CDYL2: variants seen among roughly 807,000 people sequenced by gnomAD.
CDYL2 encodes the protein chromodomain Y-like protein 2.
A neutral mutation model predicts 49.4 loss-of-function variants in CDYL2; 23 were observed. The ratio of observed to expected loss-of-function variants is 0.47; its 90% CI spans 0.34 to 0.66. The LOEUF (loss-of-function observed/expected upper bound fraction) is 0.66. Among genes scored for constraint, CDYL2 ranks in the 30% least tolerant of loss-of-function variants. CDYL2 has a pLI of 0.01. For missense variants in CDYL2, 678 were observed against 656.4 expected (o/e 1.03, Z -0.36); for synonymous variants, 360 against 268.8 (o/e 1.34, Z -3.32).
chr16:80,711,471 A>G (rs1462884651), intron 1 of CDYL2, among the ~76,000 whole-genome samples: 1 of 152,116 alleles, frequency 6.6e-6, no homozygotes, highest in Non-Finnish European at 1.5e-5. Context: ...TTAACACTTG[A>G]AGTTAATAAA....
At chr16:80,698,568 G>A (rs761692795) in intron 1 of CDYL2, among the ~76,000 whole-genome samples, 9 of 152,134 alleles carry the variant, frequency 5.9e-5, no homozygotes, top group Non-Finnish European at 8.8e-5. Flanking sequence ...TAGAGGTGGG[G>A]CTTGGTAGGA....
chr16:80,797,256 A>C (rs757745722), intron 1 of CDYL2, among the ~76,000 whole-genome samples: 1 of 152,072 alleles, frequency 6.6e-6, no homozygotes, highest in African/African-American at 2.4e-5. Flanking sequence ...CTCCAAACTC[A>C]CTGTCCTTTC....
intron 2 of CDYL2, among the ~76,000 whole-genome samples, chr16:80,637,101 T>G (rs1308623777): frequency 1.3e-5 from 2 of 151,950 alleles, no homozygotes; most frequent in Non-Finnish European, 2.9e-5. Context: ...ATACCTAATA[T>G]AGATGACAGG....
In CDYL2 at chr16:80,598,625, T is replaced by G. The variant is rs1216331930; in HGVS notation, c.*5763A>C. On this transcript the variant is annotated 3_prime_UTR_variant, in exon 7 of 7. Transcript: ENST00000570137. ...CATATTCAGATGGAGGAGTCTACAC[T>G]GGCCAGATAACCTGGAGGAGTACCA... is the stretch of plus-strand genomic sequence containing the variant. The G allele has an allele frequency of 6.6e-6, 1 of 152,202 alleles. No individual in the cohort carries two copies. The highest frequency in any genetic ancestry group is 6.5e-5 in the Admixed American group (1 of 15,276). 9.4% of individuals were successfully genotyped at this position (152,202 alleles called of 1,614,324 possible). A position where few individuals can be genotyped will look rare whatever the true frequency, so the allele number is the denominator to read the frequency against.
intron 3 of CDYL2, among the ~76,000 whole-genome samples, chr16:80,632,407 G>A (rs997523666): frequency 6.6e-6 from 1 of 150,376 alleles, no homozygotes; most frequent in East Asian, 1.9e-4. Context: ...TCCAGGGCAT[G>A]GGAGAAAGGA....
rs528500218 is a variant in CDYL2 at position 80,776,417 on chromosome 16, T to A, written c.24+27733A>T. 7.2e-5 allele frequency among the ~76,000 whole-genome samples: 11 copies of A among 152,098 alleles called. No homozygotes were observed. The East Asian group carries it at 2.1e-3, about 29-fold the overall frequency. ...TCTTCAATAATCTTTGGCACGGATA[T>A]ACTAGGAAGGAGCTACAAAAAAATA... On this transcript the variant is annotated intron_variant, in intron 1 of 6. Coordinates refer to ENST00000570137, the MANE Select transcript of CDYL2 (RefSeq NM_152342.4).
chr16:80,612,213 G>A lies in CDYL2; in HGVS notation c.1218+413C>T, dbSNP rs1358786503. On this transcript the variant is annotated intron_variant, in intron 5 of 6. Coordinates refer to ENST00000570137, the MANE Select transcript of CDYL2 (RefSeq NM_152342.4). The surrounding 1 kb of genome is among the most constrained non-coding windows in gnomAD (Gnocchi z 5.0). ...CTCTCTTCTCTCCCATTGGCTGGAA[G>A]TGAGGGCACATTTACTGGACGGGAG... Among the ~76,000 whole-genome samples the A allele has an allele frequency of 6.6e-6, 1 of 152,246 alleles. No homozygotes were observed. The highest frequency in any genetic ancestry group is 1.9e-4 in the East Asian group (1 of 5,190).
At position 80,804,284 on chromosome 16, in the gene CDYL2, A is replaced by G; in HGVS notation, c.-111T>C. The stretch of plus-strand genomic sequence containing the variant: ...GTGTGTGTGCGCGCGTGTGTGTGCG[A>G]GTGTGTGTGGTGTGTTGAGTAAACT... On this transcript the variant is annotated 5_prime_UTR_variant, in exon 1 of 7. Transcript: ENST00000570137. 1 of 981,816 alleles carries G rather than the reference A, an allele frequency of 1.0e-6. No individual in the cohort carries two copies. 60.8% of individuals were successfully genotyped at this position (981,816 alleles called of 1,614,324 possible).
chr16:80,620,902 C>T lies in CDYL2; in HGVS notation c.868G>A (p.Ala290Thr), dbSNP rs1161870624. 18 of 1,607,788 alleles carry T rather than the reference C, an allele frequency of 1.1e-5. No individual in the cohort carries two copies. The highest frequency in any genetic ancestry group is 1.7e-5 in the Admixed American group (1 of 59,362). ...AGCAGTTTGCTGTCGTCTGTGGCTG[C>T]GTTGCAGAGCGCTCGCCGGACTTCT... ...MKEVRRALCN[A>T]ATDDSKLLLL... Residue 290 changes from alanine (A) to threonine (T), a missense_variant, in exon 4 of 7, where the codon GCA becomes ACA. Coordinates refer to ENST00000570137, the MANE Select transcript of CDYL2 (RefSeq NM_152342.4).
chr16:80,750,021 T>A (rs1271702331), intron 1 of CDYL2, among the ~76,000 whole-genome samples: 4 of 141,842 alleles, frequency 2.8e-5, no homozygotes, highest in African/African-American at 1.1e-4. Flanking sequence ...CACTCAGAGG[T>A]GGGAATTGAA....
At position 80,728,881 on chromosome 16, in the gene CDYL2, C is replaced by G. The variant is rs1339420629; in HGVS notation, c.25-43752G>C. 1.7e-4 allele frequency among the ~76,000 whole-genome samples: 25 copies of G among 151,496 alleles called. No individual in the cohort carries two copies. The East Asian group carries it at 3.5e-3, about 21-fold the overall frequency. On this transcript the variant is annotated intron_variant, in intron 1 of 6. Coordinates refer to ENST00000570137, the MANE Select transcript of CDYL2 (RefSeq NM_152342.4). ...TCATAAGTGAAGGAGAAATAAAATA[C>G]TTTACAGACAAGCAAATGCTGAGAG... is the stretch of plus-strand genomic sequence containing the variant.
rs972979819 is a variant in CDYL2 at position 80,612,512 on chromosome 16, C to T, written c.1218+114G>A. ...GTGTGAAGGACATGAGGCAGCCAAGCCAATCTGCAGGCTGACAACACCCTC... is the reference window on the plus strand; with the variant it reads ...GTGTGAAGGACATGAGGCAGCCAAGTCAATCTGCAGGCTGACAACACCCTC... On this transcript the variant is annotated intron_variant, in intron 5 of 6. Coordinates refer to ENST00000570137, the MANE Select transcript of CDYL2 (RefSeq NM_152342.4). This position sits in a 1 kb window ranked among gnomAD's most constrained non-coding sequence, Gnocchi z 5.0. 2.8e-6 allele frequency: 3 copies of T among 1,075,218 alleles called. No homozygotes were observed. The highest frequency in any genetic ancestry group is 4.0e-6 in the Non-Finnish European group (3 of 744,620). 66.6% of individuals were successfully genotyped at this position (1,075,218 alleles called of 1,614,324 possible).
chr16:80,672,583 A>G (rs1206782893), intron 2 of CDYL2, among the ~76,000 whole-genome samples: 3 of 150,132 alleles, frequency 2.0e-5, no homozygotes, highest in Non-Finnish European at 4.4e-5. Context: ...AGGAAAGGAA[A>G]GGAAAGGAAA....
At chr16:80,738,258 G>C (rs1905608958) in intron 1 of CDYL2, among the ~76,000 whole-genome samples, 2 of 152,078 alleles carry the variant, frequency 1.3e-5, no homozygotes, top group Non-Finnish European at 1.5e-5. Flanking sequence ...TCTTTATCCA[G>C]TCTATCACTG....
At chr16:80,637,483 G>C (rs1907888440) in intron 2 of CDYL2, among the ~76,000 whole-genome samples, 2 of 152,086 alleles carry the variant, frequency 1.3e-5, no homozygotes, top group Admixed American at 6.6e-5. Context: ...CAGATGACAA[G>C]ACTTGTCTAC....
chr16:80,798,232 G>A (rs909465342), intron 1 of CDYL2, among the ~76,000 whole-genome samples: 38 of 152,194 alleles, frequency 2.5e-4, no homozygotes, highest in African/African-American at 9.2e-4. Flanking sequence ...TAGTAGAGAT[G>A]GGGTTTCTCC....
At chr16:80,646,773 G>A (rs527937914) in intron 2 of CDYL2, among the ~76,000 whole-genome samples, 22 of 151,916 alleles carry the variant, frequency 1.4e-4, no homozygotes, top group Non-Finnish European at 2.8e-4. Flanking sequence ...TGGAGACAGA[G>A]TGAGACTCTG....
At position 80,802,988 on chromosome 16, in the gene CDYL2, G is replaced by C. The variant is rs144631021; in HGVS notation, c.24+1162C>G. Reference sequence around the variant, plus strand: ...ACCAATTTATGTTCCGGGAAGTGCAGGTCCAGGCTAACCCATGCGGCTGGT... The same window carrying C: ...ACCAATTTATGTTCCGGGAAGTGCACGTCCAGGCTAACCCATGCGGCTGGT... On this transcript the variant is annotated intron_variant, in intron 1 of 6. Coordinates refer to ENST00000570137, the MANE Select transcript of CDYL2 (RefSeq NM_152342.4). 1.2e-3 allele frequency among the ~76,000 whole-genome samples: 190 copies of C among 152,320 alleles called. 3 individuals carry two copies. In the East Asian group the frequency reaches 0.032, roughly 26 times the overall value.
intron 1 of CDYL2, among the ~76,000 whole-genome samples, chr16:80,799,465 T>C (rs914028272): frequency 6.6e-6 from 1 of 152,204 alleles, no homozygotes; most frequent in South Asian, 2.1e-4. Context: ...TGGTGGTCTA[T>C]AAATATGAAA....
Sources: gnomAD v4.1 joint callset for allele counts (sites outside exome capture counted in the v4.1 genomes callset) on GRCh38, gnomAD v4.1.1 for gene constraint, Gnocchi (gnomAD v3.1) non-coding constraint, MANE v1.5 for transcripts, NCBI Gene and HGNC (gene_info 2026-07-23, HGNC 2026-07-21) for gene names.